The following TEK variants were observed in gnomAD, a reference collection of about 807,000 sequenced individuals.
TEK encodes TEK receptor tyrosine kinase, also known as angiopoietin-1 receptor.
TEK carries 43 observed loss-of-function variants against 131.8 expected under a neutral mutation model. The observed-to-expected ratio is 0.33, with a 90% confidence interval of 0.26 to 0.42. The LOEUF (loss-of-function observed/expected upper bound fraction) is 0.42. Ranked by LOEUF, TEK falls within the 10% of genes least tolerant of loss-of-function variation. The pLI is 1.00. For missense variants in TEK, 1,162 were observed against 1,384.4 expected (o/e 0.84, Z 2.55); for synonymous variants, 580 against 491.6 (o/e 1.18, Z -2.38).
At chr9:27,124,553 G>A (rs901575879) in intron 1 of TEK, among the ~76,000 whole-genome samples, 5 of 152,210 alleles carry the variant, frequency 3.3e-5, no homozygotes, top group East Asian at 1.9e-4. Context: ...GTCAAGGGAC[G>A]GGAAATACAC....
intron 1 of TEK, among the ~76,000 whole-genome samples, chr9:27,116,295 G>GT (rs545601527): frequency 0.017 from 2,468 of 147,728 alleles, 24 homozygotes; most frequent in African/African-American, 0.033. Context: ...TGTAAAGGAA[G>GT]TTTTTTTTTT....
chr9:27,209,591 T>G (rs1825527161), intron 16 of TEK, among the ~76,000 whole-genome samples: 1 of 152,190 alleles, frequency 6.6e-6, no homozygotes, highest in South Asian at 2.1e-4. Context: ...CTTTACATTT[T>G]TCCTGGAAAC....
chr9:27,123,052 CAAAAAA>C (rs10700803), intron 1 of TEK, among the ~76,000 whole-genome samples: 4 of 34,710 alleles, frequency 1.2e-4, no homozygotes, highest in African/African-American at 4.3e-4. Context: ...GACTCTGTCT[CAAAAAA>C]AAAAAAAAAA....
chr9:27,123,693 G>A (rs1821884368), intron 1 of TEK, among the ~76,000 whole-genome samples: 1 of 152,144 alleles, frequency 6.6e-6, no homozygotes, highest in Non-Finnish European at 1.5e-5. Flanking sequence ...AGTTTAACCT[G>A]CTCATTTTAC....
intron 18 of TEK, among the ~76,000 whole-genome samples, chr9:27,214,071 C>G (rs1416074433): frequency 6.6e-6 from 1 of 152,244 alleles, no homozygotes; most frequent in African/African-American, 2.4e-5. Flanking sequence ...TCTCTCTTCA[C>G]TGAAACCTCA....
chr9:27,171,342 C>T (rs1211439004), intron 4 of TEK, among the ~76,000 whole-genome samples: 1 of 152,134 alleles, frequency 6.6e-6, no homozygotes, highest in Non-Finnish European at 1.5e-5. Context: ...ATTTGCTTTG[C>T]GTTATGTTCC....
At chr9:27,123,150 G>C (rs912318084) in intron 1 of TEK, among the ~76,000 whole-genome samples, 1 of 149,456 alleles carries the variant, frequency 6.7e-6, no homozygotes, top group Non-Finnish European at 1.5e-5. Context: ...AGCATTTTTA[G>C]TGAATGGGCA....
intron 1 of TEK, among the ~76,000 whole-genome samples, chr9:27,124,550 G>A (rs1291579927): frequency 6.6e-6 from 1 of 152,248 alleles, no homozygotes; most frequent in African/African-American, 2.4e-5. Context: ...AAAGTCAAGG[G>A]ACGGGAAATA....
intron 2 of TEK, among the ~76,000 whole-genome samples, chr9:27,164,893 T>C (rs1823671298): frequency 6.6e-6 from 1 of 152,168 alleles, no homozygotes; most frequent in Non-Finnish European, 1.5e-5. Flanking sequence ...GTAGGTGCTA[T>C]TAAAAGGTAT....
chr9:27,141,235 C>G (rs546138113), intron 1 of TEK, among the ~76,000 whole-genome samples: 52 of 151,678 alleles, frequency 3.4e-4, no homozygotes, highest in Non-Finnish European at 6.9e-4. Context: ...TTTTTGTTTT[C>G]TTTCTTTTGC....
intron 21 of TEK, among the ~76,000 whole-genome samples, chr9:27,220,606 G>T (rs187820888): frequency 6.6e-6 from 1 of 152,174 alleles, no homozygotes; most frequent in Non-Finnish European, 1.5e-5. Context: ...TGAGGTACCC[G>T]GCTCATCTCA....
chr9:27,113,549 T>C (rs1357276467), intron 1 of TEK, among the ~76,000 whole-genome samples: 2 of 152,070 alleles, frequency 1.3e-5, no homozygotes, highest in Non-Finnish European at 2.9e-5. Context: ...GATCACGCCA[T>C]TGTACTCCAG....
chr9:27,213,696 G>A, intron 18 of TEK, 99 bp downstream of exon 18: 13 of 878,764 alleles, frequency 1.5e-5, no homozygotes, highest in Non-Finnish European at 2.3e-5. Flanking sequence ...GGTGACTGAA[G>A]CATCTGACTG....
chr9:27,136,774 T>C (rs1822463429), intron 1 of TEK, among the ~76,000 whole-genome samples: 1 of 152,200 alleles, frequency 6.6e-6, no homozygotes, highest in South Asian at 2.1e-4. Flanking sequence ...TCTTTTTTTT[T>C]CTCTTTCCTT....
chr9:27,117,062 T>A (rs757705920), intron 1 of TEK, among the ~76,000 whole-genome samples: 50 of 151,988 alleles, frequency 3.3e-4, no homozygotes, highest in Non-Finnish European at 5.6e-4. Flanking sequence ...AGACGTGGTT[T>A]CACTGTGTTA....
At chr9:27,146,320 A>G (rs753890829) in intron 1 of TEK, among the ~76,000 whole-genome samples, 21 of 152,146 alleles carry the variant, frequency 1.4e-4, no homozygotes, top group Admixed American at 7.2e-4. Context: ...TGTGTATACA[A>G]CTCTATGAGT....
At chr9:27,158,188 A>G (rs893310340) in intron 2 of TEK, 46 bp downstream of exon 2, 1 of 1,609,608 alleles carries the variant, frequency 6.2e-7, no homozygotes, top group African/African-American at 1.3e-5. Context: ...ACTGAGGAAC[A>G]CACACACCTT....
chr9:27,202,945 A>G lies in TEK; in HGVS notation c.2035A>G (p.Lys679Glu). ...TACTATCCGTTACAAGGTTCAAGGC[A>G]AGAATGAAGACCAGCACGTTGATGT... is the stretch of plus-strand genomic sequence containing the variant. ...SITIRYKVQG[K>E]NEDQHVDVKI... Residue 679 changes from lysine to glutamate, a missense_variant, in exon 13 of 23, where the codon AAG becomes GAG. Transcript: ENST00000380036. 1 of 1,614,168 alleles carries G rather than the reference A, an allele frequency of 6.2e-7. No homozygotes were observed. Among genetic ancestry groups the G allele is most frequent in the Non-Finnish European group, 8.5e-7 (1 of 1,180,012 alleles).
At chr9:27,162,054 A>G (rs1302511204) in intron 2 of TEK, among the ~76,000 whole-genome samples, 1 of 152,254 alleles carries the variant, frequency 6.6e-6, no homozygotes, top group African/African-American at 2.4e-5. Flanking sequence ...TAACAATAAC[A>G]GCATCTCAGG....
Sources: gnomAD v4.1 joint callset for allele counts (sites outside exome capture counted in the v4.1 genomes callset) on GRCh38, gnomAD v4.1.1 for gene constraint, MANE v1.5 for transcripts, NCBI Gene and HGNC (gene_info 2026-07-23, HGNC 2026-07-21) for gene names.